The following ADCY2 variants were observed in gnomAD, a reference collection of about 807,000 sequenced individuals.
The protein encoded by ADCY2 is adenylate cyclase 2, also known as adenylate cyclase type 2.
A neutral mutation model predicts 125.2 loss-of-function variants in ADCY2; 31 were observed. The observed-to-expected ratio is 0.25, with a 90% confidence interval of 0.19 to 0.33. The LOEUF (loss-of-function observed/expected upper bound fraction) is 0.33, where lower values mean the gene tolerates loss of function less well. ADCY2 is among the 10% of genes least tolerant of loss of function. The probability of loss-of-function intolerance (pLI) is 1.00; values close to 1 mark genes in which losing one functional copy is unlikely to be tolerated. For missense variants in ADCY2, 904 were observed against 1,418.2 expected (o/e 0.64, Z 5.82); for synonymous variants, 512 against 548.4 (o/e 0.93, Z 0.93).
intron 2 of ADCY2, among the ~76,000 whole-genome samples, chr5:7,452,874 ATGTT>A (rs1741525803): frequency 1.3e-5 from 2 of 151,970 alleles, no homozygotes; most frequent in South Asian, 4.1e-4. Flanking sequence ...TTTTTTTCAT[ATGTT>A]TGTTAGCCAT....
At chr5:7,486,100 A>G (rs1396895095) in intron 2 of ADCY2, among the ~76,000 whole-genome samples, 1 of 152,236 alleles carries the variant, frequency 6.6e-6, no homozygotes, top group East Asian at 1.9e-4. Flanking sequence ...GATGAGAGAA[A>G]CTGAATGAGT....
chr5:7,820,732 T>G, intron 24 of ADCY2, 43 bp downstream of exon 24: 1 of 1,584,934 alleles, frequency 6.3e-7, no homozygotes, highest in Non-Finnish European at 8.6e-7. Context: ...CAACCATGTC[T>G]GTTCTCTTGG....
At chr5:7,428,147 G>T (rs1740455353) in intron 2 of ADCY2, among the ~76,000 whole-genome samples, 1 of 152,174 alleles carries the variant, frequency 6.6e-6, no homozygotes, top group Admixed American at 6.5e-5. Context: ...TTTTAGGTTT[G>T]AACTGCTGGT....
intron 17 of ADCY2, among the ~76,000 whole-genome samples, chr5:7,769,728 G>A (rs75937598): frequency 2.6e-5 from 4 of 152,114 alleles, no homozygotes; most frequent in Non-Finnish European, 4.4e-5. Context: ...AATGACCCTG[G>A]TGAAGTAGAT....
At chr5:7,518,369 A>G (rs555961386) in intron 2 of ADCY2, among the ~76,000 whole-genome samples, 2 of 152,274 alleles carry the variant, frequency 1.3e-5, no homozygotes, top group African/African-American at 4.8e-5. Context: ...GGCATGCCTG[A>G]TATGTCTTCC....
At chr5:7,714,136 G>A (rs754838820) in intron 11 of ADCY2, among the ~76,000 whole-genome samples, 1 of 152,186 alleles carries the variant, frequency 6.6e-6, no homozygotes, top group Non-Finnish European at 1.5e-5. Context: ...GGCATATACT[G>A]TAATAAAGAG....
intron 2 of ADCY2, among the ~76,000 whole-genome samples, chr5:7,434,001 G>T (rs922119514): frequency 6.6e-6 from 1 of 151,998 alleles, no homozygotes; most frequent in Non-Finnish European, 1.5e-5. Context: ...TCTAAGAAAA[G>T]CAAACTAGTA....
Position 7,766,311 on chromosome 5 carries a change from G to A in ADCY2, c.2095-376G>A, listed in dbSNP as rs116252127. 5.5e-3 allele frequency among the ~76,000 whole-genome samples: 835 copies of A among 152,208 alleles called. 6 individuals are homozygous for A. The highest frequency in any genetic ancestry group is 0.019 in the African/African-American group (795 of 41,532). Reference sequence around the variant, plus strand: ...GCCAAGATGGCAAAGATACTGGGGGGAAAAAAGCATTCCGAAGGCTCCGAT... The same window carrying A: ...GCCAAGATGGCAAAGATACTGGGGGAAAAAAAGCATTCCGAAGGCTCCGAT... On this transcript the variant is annotated intron_variant, in intron 16 of 24. Coordinates refer to ENST00000338316, the MANE Select transcript of ADCY2 (RefSeq NM_020546.3).
At chr5:7,526,457 GT>G (rs35021809) in intron 3 of ADCY2, among the ~76,000 whole-genome samples, 56,415 of 151,968 alleles carry the variant, frequency 0.37, 11,948 homozygotes, top group Non-Finnish European at 0.47. Context: ...AAAATAGTTA[GT>G]AGAGAAGAAT....
chr5:7,672,585 G>A (rs897583367), intron 4 of ADCY2, among the ~76,000 whole-genome samples: 4 of 152,014 alleles, frequency 2.6e-5, no homozygotes, highest in African/African-American at 4.8e-5. Context: ...CTACAGCCTC[G>A]ACCTCCTGGG....
intron 4 of ADCY2, among the ~76,000 whole-genome samples, chr5:7,682,896 A>T (rs1740388192): frequency 6.6e-6 from 1 of 152,264 alleles, no homozygotes; most frequent in African/African-American, 2.4e-5. Context: ...TGAGTGAATT[A>T]TCATGACTCC....
intron 3 of ADCY2, among the ~76,000 whole-genome samples, chr5:7,576,175 T>C (rs562917260): frequency 6.6e-6 from 1 of 152,338 alleles, no homozygotes; most frequent in African/African-American, 2.4e-5. Flanking sequence ...TCTGGCTCAC[T>C]GTGCTGCACA....
intron 2 of ADCY2, among the ~76,000 whole-genome samples, chr5:7,470,487 A>C (rs1464552959): frequency 6.7e-6 from 1 of 149,452 alleles, no homozygotes; most frequent in African/African-American, 2.4e-5. Flanking sequence ...ATTAGACTAT[A>C]ATATTAGACT....
intron 14 of ADCY2, among the ~76,000 whole-genome samples, chr5:7,728,938 C>T (rs1742014780): frequency 6.6e-6 from 1 of 152,126 alleles, no homozygotes; most frequent in Non-Finnish European, 1.5e-5. Flanking sequence ...AACACATCCT[C>T]GTCATGTCTT....
chr5:7,699,289 G>T (rs1391856216), intron 7 of ADCY2, among the ~76,000 whole-genome samples: 1 of 150,074 alleles, frequency 6.7e-6, no homozygotes, highest in East Asian at 2.0e-4. Flanking sequence ...AGTAGAGACG[G>T]GGTTTCACCG....
intron 4 of ADCY2, among the ~76,000 whole-genome samples, chr5:7,636,606 A>C (rs1738513551): frequency 6.6e-6 from 1 of 152,238 alleles, no homozygotes. Flanking sequence ...GCTTTGCATG[A>C]GTAAGACCAA....
intron 3 of ADCY2, among the ~76,000 whole-genome samples, chr5:7,554,146 T>G (rs989322781): frequency 1.3e-5 from 2 of 152,222 alleles, no homozygotes; most frequent in African/African-American, 4.8e-5. Flanking sequence ...ATTAGTGATT[T>G]CACTTCTGAA....
intron 4 of ADCY2, among the ~76,000 whole-genome samples, chr5:7,645,225 T>C (rs1341422384): frequency 6.6e-6 from 1 of 152,184 alleles, no homozygotes; most frequent in East Asian, 1.9e-4. Flanking sequence ...ATATATATTT[T>C]TTGAATTGCA....
chr5:7,440,648 G>T (rs1740978642), intron 2 of ADCY2, among the ~76,000 whole-genome samples: 1 of 152,314 alleles, frequency 6.6e-6, no homozygotes. Flanking sequence ...CACAGTGACA[G>T]ATCCGCTAAT....
Sources: gnomAD v4.1 joint callset for allele counts (sites outside exome capture counted in the v4.1 genomes callset) on GRCh38, gnomAD v4.1.1 for gene constraint, MANE v1.5 for transcripts, NCBI Gene and HGNC (gene_info 2026-07-23, HGNC 2026-07-21) for gene names.